The following ZBTB16 variants were observed in gnomAD, a reference collection of about 807,000 sequenced individuals.
The protein encoded by ZBTB16 is zinc finger and BTB domain containing 16, also known as zinc finger and BTB domain-containing protein 16.
A neutral mutation model predicts 56.8 loss-of-function variants in ZBTB16; 8 were observed. The ratio of observed to expected loss-of-function variants is 0.14; its 90% CI spans 0.08 to 0.25. The LOEUF (loss-of-function observed/expected upper bound fraction) is 0.25. Among genes scored for constraint, ZBTB16 ranks in the 10% least tolerant of loss-of-function variants. The pLI is 1.00. For missense variants in ZBTB16, 625 were observed against 903.0 expected (o/e 0.69, Z 3.95); for synonymous variants, 363 against 368.5 (o/e 0.98, Z 0.17).
At chr11:114,175,978 GGTGTGT>G (rs34506617) in intron 3 of ZBTB16, among the ~76,000 whole-genome samples, 1,846 of 148,130 alleles carry the variant, frequency 0.012, 40 homozygotes, top group African/African-American at 0.039. Context: ...AGGGGAGAGG[GGTGTGT>G]GTGTGTGTGT....
intron 3 of ZBTB16, among the ~76,000 whole-genome samples, chr11:114,176,774 A>G (rs1943125552): frequency 6.6e-6 from 1 of 152,222 alleles, no homozygotes; most frequent in Non-Finnish European, 1.5e-5. Flanking sequence ...AGGGTTACAC[A>G]GCTCAGGCAG....
chr11:114,194,011 T>G (rs670728), intron 4 of ZBTB16, among the ~76,000 whole-genome samples: 54,389 of 152,034 alleles, frequency 0.36, 9,903 homozygotes, highest in African/African-American at 0.43. Flanking sequence ...TGTTGTCCAG[T>G]AGTCTGTAGG....
chr11:114,159,075 T>A (rs1405322724), intron 3 of ZBTB16, among the ~76,000 whole-genome samples: 1 of 152,218 alleles, frequency 6.6e-6, no homozygotes, highest in Non-Finnish European at 1.5e-5. Flanking sequence ...GTGGGGCTGG[T>A]GGAAGCGGCT....
intron 2 of ZBTB16, among the ~76,000 whole-genome samples, chr11:114,129,424 G>T (rs921637720): frequency 6.6e-6 from 1 of 152,244 alleles, no homozygotes; most frequent in Admixed American, 6.5e-5. Flanking sequence ...TTGCAGCCAT[G>T]CAGATATCAT....
intron 2 of ZBTB16, among the ~76,000 whole-genome samples, chr11:114,136,138 C>T (rs984167468): frequency 2.0e-5 from 3 of 152,210 alleles, no homozygotes; most frequent in African/African-American, 7.2e-5. Flanking sequence ...ATGTCCTTCT[C>T]AACCTTCCTT....
chr11:114,239,042 G>T (rs1464106134), intron 4 of ZBTB16, among the ~76,000 whole-genome samples: 2 of 152,314 alleles, frequency 1.3e-5, no homozygotes, highest in South Asian at 2.1e-4. Flanking sequence ...CTTGGTAGTG[G>T]CTCAGTGAGT....
intron 3 of ZBTB16, among the ~76,000 whole-genome samples, chr11:114,168,432 G>A (rs1005315212): frequency 1.3e-5 from 2 of 152,194 alleles, no homozygotes; most frequent in East Asian, 1.9e-4. Flanking sequence ...CTGCAGGAAG[G>A]AGAGAAAGAC....
chr11:114,128,983 C>A (rs567154814), intron 2 of ZBTB16, among the ~76,000 whole-genome samples: 1 of 152,090 alleles, frequency 6.6e-6, no homozygotes, highest in African/African-American at 2.4e-5. Context: ...GTGTCAGTGG[C>A]GGGTTGGGAG....
At chr11:114,073,812 C>T (rs536025433) in intron 2 of ZBTB16, among the ~76,000 whole-genome samples, 112 of 152,270 alleles carry the variant, frequency 7.4e-4, no homozygotes, top group Non-Finnish European at 1.2e-3. Context: ...GAGTTCTTTC[C>T]TCTTTAGGGC....
At chr11:114,079,371 C>A (rs903468582) in intron 2 of ZBTB16, among the ~76,000 whole-genome samples, 1 of 152,134 alleles carries the variant, frequency 6.6e-6, no homozygotes, top group Non-Finnish European at 1.5e-5. Flanking sequence ...CCAGTGAAAT[C>A]TTTTGTTTTG....
intron 3 of ZBTB16, among the ~76,000 whole-genome samples, chr11:114,181,811 T>C (rs897134523): frequency 6.6e-6 from 1 of 152,158 alleles, no homozygotes; most frequent in Non-Finnish European, 1.5e-5. Context: ...CTCTGCTATT[T>C]AATTTCTTTC....
chr11:114,210,509 T>C, intron 4 of ZBTB16: 1 of 231,946 alleles, frequency 4.3e-6, no homozygotes. Flanking sequence ...CTTGCTAAGC[T>C]ACAGAAAAAT....
chr11:114,203,089 G>A (rs897646804), intron 4 of ZBTB16, among the ~76,000 whole-genome samples: 7 of 152,186 alleles, frequency 4.6e-5, no homozygotes, highest in African/African-American at 1.7e-4. Context: ...TATACAAAAT[G>A]TGGTATATCC....
chr11:114,190,278 T>G (rs1943461561), intron 4 of ZBTB16, among the ~76,000 whole-genome samples: 1 of 152,184 alleles, frequency 6.6e-6, no homozygotes, highest in South Asian at 2.1e-4. Flanking sequence ...CTCCTCGACT[T>G]ACAATGGGAC....
intron 4 of ZBTB16, chr11:114,209,392 TGGAG>T: frequency 1.0e-6 from 1 of 985,318 alleles, no homozygotes; most frequent in South Asian, 4.7e-5. Context: ...CTGGGATTTG[TGGAG>T]GGAGGAAGGA....
intron 4 of ZBTB16, among the ~76,000 whole-genome samples, chr11:114,218,947 G>T (rs1325811020): frequency 5.9e-5 from 9 of 152,232 alleles, no homozygotes. Flanking sequence ...TCGTCCGCTT[G>T]AGTTTTTTCC....
At chr11:114,202,876 G>A (rs769050637) in intron 4 of ZBTB16, among the ~76,000 whole-genome samples, 44 of 152,168 alleles carry the variant, frequency 2.9e-4, no homozygotes, top group Non-Finnish European at 5.3e-4. Context: ...TTTTTTAACT[G>A]TCCTGTGCTC....
chr11:114,217,682 G>A (rs1354956418), intron 4 of ZBTB16, among the ~76,000 whole-genome samples: 2 of 152,204 alleles, frequency 1.3e-5, no homozygotes, highest in African/African-American at 2.4e-5. Context: ...TGGCTTCCTG[G>A]TGGTCACTGA....
chr11:114,242,484 G>GCCCA, intron 5 of ZBTB16, 147 bp downstream of exon 5: 1 of 1,193,574 alleles, frequency 8.4e-7, no homozygotes, highest in Non-Finnish European at 1.2e-6. Flanking sequence ...TGCCCGTCGT[G>GCCCA]CAGGTAAATG....
Sources: gnomAD v4.1 joint callset for allele counts (sites outside exome capture counted in the v4.1 genomes callset) on GRCh38, gnomAD v4.1.1 for gene constraint, MANE v1.5 for transcripts, NCBI Gene and HGNC (gene_info 2026-07-23, HGNC 2026-07-21) for gene names.